The following EIF2S1 variants were observed in gnomAD, a reference collection of about 807,000 sequenced individuals.
EIF2S1 encodes the protein eukaryotic translation initiation factor 2 subunit 1.
A neutral mutation model predicts 33.5 loss-of-function variants in EIF2S1; 5 were observed. That is an observed-to-expected ratio of 0.15 (90% CI 0.08 to 0.31). EIF2S1 has a LOEUF of 0.31. Ranked by LOEUF, EIF2S1 falls within the 10% of genes least tolerant of loss-of-function variation. EIF2S1 has a pLI of 1.00. For synonymous variants in EIF2S1, 99 were observed against 127.5 expected (o/e 0.78, Z 1.51); for missense variants, 191 against 384.6 (o/e 0.50, Z 4.21).
intron 2 of EIF2S1, among the ~76,000 whole-genome samples, chr14:67,372,146 T>G (rs912206755): frequency 2.6e-5 from 4 of 152,136 alleles, no homozygotes; most frequent in Non-Finnish European, 4.4e-5. Context: ...ATTAAAAAAT[T>G]TATGTGTGCT....
intron 6 of EIF2S1, among the ~76,000 whole-genome samples, chr14:67,381,985 C>G (rs937564637): frequency 2.6e-5 from 4 of 151,978 alleles, no homozygotes; most frequent in Non-Finnish European, 5.9e-5. Context: ...ACTGAGAGCA[C>G]TTTAAAAAAG....
chr14:67,367,961 T>C (rs1180030211), intron 2 of EIF2S1, among the ~76,000 whole-genome samples: 1 of 152,200 alleles, frequency 6.6e-6, no homozygotes, highest in African/African-American at 2.4e-5. Context: ...TAAAAATATA[T>C]TTAACTATTT....
chr14:67,360,995 T>G (rs961823364), intron 1 of EIF2S1, among the ~76,000 whole-genome samples: 1 of 152,048 alleles, frequency 6.6e-6, no homozygotes, highest in Non-Finnish European at 1.5e-5. Flanking sequence ...ATTGAATGAG[T>G]CACCCCTTGA....
Position 67,384,163 on chromosome 14 carries a change from A to AT in EIF2S1, c.*725dup, listed in dbSNP as rs1337932739. On this transcript the variant is annotated 3_prime_UTR_variant, in exon 8 of 8. Coordinates refer to ENST00000256383, the MANE Select transcript of EIF2S1 (RefSeq NM_004094.5). Reference sequence around the variant, plus strand: ...AGAGAATTTATCACACCACGTCCTTATTGGAATAATAAGCTACTTGCCTTG... The same window carrying AT: ...AGAGAATTTATCACACCACGTCCTTATTTGGAATAATAAGCTACTTGCCTTG... 6.6e-6 allele frequency: 1 copy of AT among 152,238 alleles called. No homozygotes were observed. Among genetic ancestry groups the AT allele is most frequent in the East Asian group, 1.9e-4 (1 of 5,196 alleles). 9.4% of individuals were successfully genotyped at this position (152,238 alleles called of 1,614,324 possible). A position where few individuals can be genotyped will look rare whatever the true frequency, so the allele number is the denominator to read the frequency against.
chr14:67,382,779 G>T, intron 7 of EIF2S1, 189 bp downstream of exon 7: 1 of 599,578 alleles, frequency 1.7e-6, no homozygotes, highest in Non-Finnish European at 2.9e-6. Context: ...ATATAAATGA[G>T]AAGTTTTTTT....
chr14:67,362,540 A>G (rs1228939004), intron 1 of EIF2S1, among the ~76,000 whole-genome samples: 1 of 152,188 alleles, frequency 6.6e-6, no homozygotes, highest in African/African-American at 2.4e-5. Flanking sequence ...ACTACAGTTC[A>G]AAGGATGTTA....
chr14:67,371,997 G>T (rs2085825017), intron 2 of EIF2S1, among the ~76,000 whole-genome samples: 1 of 152,140 alleles, frequency 6.6e-6, no homozygotes, highest in Non-Finnish European at 1.5e-5. Flanking sequence ...GGGCATGGTG[G>T]CTGAGGCCTG....
intron 5 of EIF2S1, among the ~76,000 whole-genome samples, chr14:67,381,375 A>G (rs972749150): frequency 6.6e-6 from 1 of 152,166 alleles, no homozygotes; most frequent in Non-Finnish European, 1.5e-5. Context: ...GGGTAATGCA[A>G]TTTCTAAACC....
chr14:67,368,420 A>G (rs2085795475), intron 2 of EIF2S1, among the ~76,000 whole-genome samples: 1 of 152,200 alleles, frequency 6.6e-6, no homozygotes, highest in Non-Finnish European at 1.5e-5. Flanking sequence ...ACGGAGGGGC[A>G]GTCTCTCCAC....
At chr14:67,379,799 C>T (rs1054853432) in intron 4 of EIF2S1, among the ~76,000 whole-genome samples, 3 of 149,304 alleles carry the variant, frequency 2.0e-5, no homozygotes, top group Non-Finnish European at 3.0e-5. Flanking sequence ...GGACTACAGG[C>T]GCCCGCCACT....
Position 67,379,654 on chromosome 14 carries a change from C to CTTTTTTTTTTT in EIF2S1, c.474-997_474-987dup, listed in dbSNP as rs541791101. On this transcript the variant is annotated intron_variant, in intron 4 of 7. Transcript: ENST00000256383. ...GACATAACTTTCTTTTTTTCTTTTT[C>CTTTTTTTTTTT]TTTTTTTTTTTTTTTTTTGAGACGG... is the stretch of plus-strand genomic sequence containing the variant. Among the ~76,000 whole-genome samples, 182 of 119,930 alleles carry CTTTTTTTTTTT rather than the reference C, an allele frequency of 1.5e-3. 6 individuals carry two copies. Among genetic ancestry groups the CTTTTTTTTTTT allele is most frequent in the East Asian group, 5.1e-3 (17 of 3,366 alleles). The allele number at this position is 119,930 out of a possible 152,430, so 78.7% of individuals were successfully genotyped here.
rs192580459 is a variant in EIF2S1, at chr14:67,380,571, A to C, written c.474-88A>C. 7.1e-5 allele frequency: 42 copies of C among 588,574 alleles called. No homozygotes were observed. In the East Asian group the frequency reaches 1.2e-3, roughly 16 times the overall value. 36.5% of individuals were successfully genotyped at this position (588,574 alleles called of 1,614,324 possible). A position where few individuals can be genotyped will look rare whatever the true frequency, so the allele number is the denominator to read the frequency against. ...TGCATTAACTATTATATGCTTAACT[A>C]TTATATGCATTGTTCCATAGTGTTT... On this transcript the variant is annotated intron_variant, in intron 4 of 7. Coordinates refer to ENST00000256383, the MANE Select transcript of EIF2S1 (RefSeq NM_004094.5).
chr14:67,385,584 G>A lies in EIF2S1; in HGVS notation c.*2144G>A, dbSNP rs1413070874. On this transcript the variant is annotated 3_prime_UTR_variant, in exon 8 of 8. Coordinates refer to ENST00000256383, the MANE Select transcript of EIF2S1 (RefSeq NM_004094.5). ...TAGCTGAAAATTAGTGATAGTTTGG[G>A]TCTCATTTATGCATAAATTAATTGA... The A allele has an allele frequency of 1.3e-5, 2 of 151,540 alleles. No individual in the cohort carries two copies. Among genetic ancestry groups the A allele is most frequent in the East Asian group, 3.9e-4 (2 of 5,180 alleles). 9.4% of individuals were successfully genotyped at this position (151,540 alleles called of 1,614,324 possible).
chr14:67,380,879 A>T (rs113854878), intron 5 of EIF2S1, 114 bp downstream of exon 5: 96 of 508,424 alleles, frequency 1.9e-4, no homozygotes, highest in African/African-American at 1.6e-3. Flanking sequence ...AATTTTTCTA[A>T]ATGGTTGTTT....
chr14:67,364,216 A>AT (rs1415241485), intron 1 of EIF2S1: 2 of 152,148 alleles, frequency 1.3e-5, no homozygotes, highest in African/African-American at 4.8e-5. Flanking sequence ...TGTGATTAAA[A>AT]TTTTTTTAGT....
Position 67,378,124 on chromosome 14 carries a change from T to TA in EIF2S1, c.473+1549dup, listed in dbSNP as rs750515236. Among the ~76,000 whole-genome samples, 1,231 of 134,236 alleles carry TA rather than the reference T, an allele frequency of 9.2e-3. 25 individuals carry two copies. The highest frequency in any genetic ancestry group is 0.063 in the East Asian group (294 of 4,674). 88.1% of individuals were successfully genotyped at this position (134,236 alleles called of 152,430 possible). On this transcript the variant is annotated intron_variant, in intron 4 of 7. Transcript: ENST00000256383. ...GATGACAGAGTGAGACCTTGTCTCT[T>TA]AAAAAAAAAAAAAAAGCCAGACTCT...
chr14:67,369,704 C>T (rs952257708), intron 2 of EIF2S1, among the ~76,000 whole-genome samples: 22 of 152,164 alleles, frequency 1.4e-4, no homozygotes, highest in Admixed American at 1.3e-3. Context: ...ATAAGCCCTT[C>T]CAAATAATTC....
At chr14:67,374,576 C>T (rs748701443) in intron 3 of EIF2S1, 29 bp downstream of exon 3, 14 of 1,429,710 alleles carry the variant, frequency 9.8e-6, no homozygotes, top group Non-Finnish European at 5.9e-6. Context: ...CAAATTAGTC[C>T]ACTATCTGTG....
At chr14:67,369,459 C>G (rs1316127433) in intron 2 of EIF2S1, among the ~76,000 whole-genome samples, 2 of 152,130 alleles carry the variant, frequency 1.3e-5, no homozygotes, top group Non-Finnish European at 2.9e-5. Flanking sequence ...ACAATTAGAT[C>G]AATGAAGACC....
Sources: allele counts gnomAD v4.1 joint callset (sites outside exome capture counted in the v4.1 genomes callset), GRCh38; gene constraint gnomAD v4.1.1; transcripts MANE v1.5; gene names NCBI Gene and HGNC (gene_info 2026-07-23, HGNC 2026-07-21).